The following ACKR2 variants were observed in gnomAD, a reference collection of about 807,000 sequenced individuals.
ACKR2 encodes C-C chemokine receptor D6.
For synonymous variants in ACKR2, 207 were observed against 192.2 expected, an observed-to-expected ratio of 1.08 and a Z score of -0.64; for missense variants, 457 against 477.3, an observed-to-expected ratio of 0.96 and a Z score of 0.40.
chr3:42,824,336 C>T (rs1319877617), intron 2 of ACKR2, among the ~76,000 whole-genome samples: 2 of 151,962 alleles, frequency 1.3e-5, no homozygotes, highest in East Asian at 1.9e-4. Flanking sequence ...TTGGTTGAAT[C>T]CATGGATTTG....
Position 42,828,092 on chromosome 3 carries a change from A to ATTT in ACKR2, c.-38+8392_-38+8394dup, listed in dbSNP as rs71072742. Among the ~76,000 whole-genome samples, 1,083 of 121,866 alleles carry ATTT rather than the reference A, an allele frequency of 8.9e-3. 12 individuals are homozygous for ATTT. Among genetic ancestry groups the ATTT allele is most frequent in the East Asian group, 0.021 (94 of 4,448 alleles). The allele number at this position is 121,866 out of a possible 152,430, so 79.9% of individuals were successfully genotyped here. On this transcript the variant is annotated intron_variant, in intron 2 of 2. Coordinates refer to ENST00000422265, the MANE Select transcript of ACKR2 (RefSeq NM_001296.5). ...GCTTGCATTATATATATATATATAT[A>ATTT]TTTTTTTTTTTTTCTTTTCTTTTCT... is the stretch of plus-strand genomic sequence containing the variant.
intron 2 of ACKR2, among the ~76,000 whole-genome samples, chr3:42,821,367 C>T (rs559226513): frequency 3.3e-5 from 5 of 152,328 alleles, no homozygotes; most frequent in East Asian, 1.9e-4. Context: ...GTCTGCAATA[C>T]GCCAACAGCA....
chr3:42,827,492 T>C (rs561859332), intron 2 of ACKR2, among the ~76,000 whole-genome samples: 81 of 152,306 alleles, frequency 5.3e-4, no homozygotes, highest in African/African-American at 1.9e-3. Flanking sequence ...TTACTTCTAG[T>C]GGTAACTTTA....
intron 2 of ACKR2, among the ~76,000 whole-genome samples, chr3:42,862,614 A>G (rs999529984): frequency 1.3e-5 from 2 of 152,212 alleles, no homozygotes; most frequent in Admixed American, 1.3e-4. Context: ...AAACTATACT[A>G]CAAGTCTACA....
At chr3:42,863,318 T>C (rs2088402742) in intron 2 of ACKR2, among the ~76,000 whole-genome samples, 1 of 152,208 alleles carries the variant, frequency 6.6e-6, no homozygotes, top group South Asian at 2.1e-4. Flanking sequence ...AGATACCATC[T>C]AACCCCAGTT....
intron 2 of ACKR2, among the ~76,000 whole-genome samples, chr3:42,820,534 A>C (rs1700798383): frequency 6.6e-6 from 1 of 150,556 alleles, no homozygotes; most frequent in African/African-American, 2.4e-5. Flanking sequence ...CGGAGCTTGC[A>C]GTGAGCCCAG....
chr3:42,821,361 G>A (rs548913440), intron 2 of ACKR2, among the ~76,000 whole-genome samples: 1 of 152,290 alleles, frequency 6.6e-6, no homozygotes, highest in African/African-American at 2.4e-5. Context: ...TGCTCAGTCT[G>A]CAATACGCCA....
At chr3:42,842,545 A>G (rs890564098) in intron 2 of ACKR2, among the ~76,000 whole-genome samples, 15 of 152,200 alleles carry the variant, frequency 9.9e-5, no homozygotes, top group African/African-American at 3.6e-4. Flanking sequence ...CAGTCCAGCA[A>G]TTCCTGAATC....
intron 2 of ACKR2, among the ~76,000 whole-genome samples, chr3:42,861,262 G>T (rs890327853): frequency 9.8e-5 from 15 of 152,320 alleles, no homozygotes; most frequent in African/African-American, 3.1e-4. Flanking sequence ...AGAAAATCTA[G>T]AAGAAATGGA....
chr3:42,853,087 G>C (rs1701180401), intron 2 of ACKR2, among the ~76,000 whole-genome samples: 2 of 152,172 alleles, frequency 1.3e-5, no homozygotes, highest in South Asian at 4.1e-4. Flanking sequence ...GTAAGTGTCA[G>C]GGCTGGTTTC....
rs144345123 is a variant in ACKR2 at position 42,865,031 on chromosome 3, A to G, written c.529A>G (p.Ile177Val). 14 of 1,614,146 alleles carry G rather than the reference A, an allele frequency of 8.7e-6. No individual in the cohort carries two copies. The highest frequency in any genetic ancestry group is 6.7e-5 in the Admixed American group (4 of 60,024). Residue 177 changes from isoleucine (I) to valine (V), a missense_variant, in exon 3 of 3, where the codon ATC (isoleucine) becomes GTC (valine). Physicochemically the swap from Ile to Val is conservative, Grantham distance 29. Transcript: ENST00000422265. The part of the protein sequence containing the change: ...IVWAVSLAVS[I>V]PDMVFVQTHE... ...ATGGGCTGTGTCCCTGGCCGTCTCC[A>G]TCCCTGATATGGTCTTTGTACAGAC...
At chr3:42,857,868 T>A (rs1292292317) in intron 2 of ACKR2, among the ~76,000 whole-genome samples, 1 of 152,174 alleles carries the variant, frequency 6.6e-6, no homozygotes, top group Non-Finnish European at 1.5e-5. Context: ...GAGGCTTGAG[T>A]AGGCGGTTTT....
chr3:42,816,713 C>G (rs1700754144), intron 1 of ACKR2, among the ~76,000 whole-genome samples: 1 of 151,964 alleles, frequency 6.6e-6, no homozygotes, highest in Admixed American at 6.6e-5. Flanking sequence ...TTTGCCACCA[C>G]ACCTGGCTAT....
In ACKR2 at chr3:42,819,504, AGCTGG is replaced by A. The variant is rs201427922; in HGVS notation, c.-118-123_-118-119del. On this transcript the variant is annotated intron_variant, in intron 1 of 2. Transcript: ENST00000422265. ...TTCCTGGCTCTTTCCAGTAGAAAAGAGCTGGGCTCCCTCACTGTTTCCTGGCACAC... is the reference window on the plus strand; with the variant it reads ...TTCCTGGCTCTTTCCAGTAGAAAAGAGCTCCCTCACTGTTTCCTGGCACAC... The A allele has an allele frequency of 1.1e-4, 12 of 110,520 alleles. 1 individual carries two copies. Among genetic ancestry groups the A allele is most frequent in the African/African-American group, 4.9e-4 (12 of 24,458 alleles). 6.8% of individuals were successfully genotyped at this position (110,520 alleles called of 1,614,324 possible).
intron 2 of ACKR2, among the ~76,000 whole-genome samples, chr3:42,864,063 A>G (rs896950449): frequency 1.3e-5 from 2 of 152,250 alleles, no homozygotes; most frequent in Non-Finnish European, 2.9e-5. Context: ...TAAAGAAATT[A>G]TAAACCATAC....
chr3:42,830,846 G>C (rs973415893), intron 2 of ACKR2, among the ~76,000 whole-genome samples: 2 of 151,918 alleles, frequency 1.3e-5, no homozygotes, highest in Non-Finnish European at 1.5e-5. Context: ...AGGCTAGATA[G>C]ACATTCTATG....
chr3:42,825,069 A>G (rs1424195400), intron 2 of ACKR2, among the ~76,000 whole-genome samples: 1 of 152,192 alleles, frequency 6.6e-6, no homozygotes, highest in Non-Finnish European at 1.5e-5. Context: ...CGATTGATCT[A>G]TATGACTATT....
chr3:42,851,760 A>G (rs1233709956), intron 2 of ACKR2, among the ~76,000 whole-genome samples: 3 of 151,928 alleles, frequency 2.0e-5, no homozygotes, highest in African/African-American at 7.3e-5. Flanking sequence ...ATTCCTTTCC[A>G]TCTCTGGGCC....
chr3:42,833,421 C>T (rs1346176855), intron 2 of ACKR2, among the ~76,000 whole-genome samples: 2 of 151,934 alleles, frequency 1.3e-5, no homozygotes, highest in African/African-American at 4.8e-5. Context: ...TGTTTGATTA[C>T]ATGCATAAGT....
Sources: gnomAD v4.1 joint callset for allele counts (sites outside exome capture counted in the v4.1 genomes callset) on GRCh38, gnomAD v4.1.1 for gene constraint, MANE v1.5 for transcripts, NCBI Gene and HGNC (gene_info 2026-07-23, HGNC 2026-07-21) for gene names.